The following ZNF74 variants were observed in gnomAD, a reference collection of about 807,000 sequenced individuals.
ZNF74 encodes zinc finger protein 520.
ZNF74 carries 12 observed loss-of-function variants against 17.7 expected under a neutral mutation model. That is an observed-to-expected ratio of 0.68 (90% CI 0.43 to 1.10). The LOEUF is 1.10. Among genes scored for constraint, ZNF74 ranks in the 50% least tolerant of loss-of-function variants. The probability of loss-of-function intolerance (pLI) is 0.00; values close to 1 mark genes in which losing one functional copy is unlikely to be tolerated. For missense variants in ZNF74, 811 were observed against 881.0 expected, an observed-to-expected ratio of 0.92 and a Z score of 1.01; for synonymous variants, 358 against 362.1, an observed-to-expected ratio of 0.99 and a Z score of 0.13.
chr22:20,406,977 G>A lies in ZNF74; in HGVS notation c.*9G>A. ...GCAAACCTCGAAACTAACATGATGT[G>A]CTTTGGTGTCAGTAGCTGCTTTCTG... On this transcript the variant is annotated 3_prime_UTR_variant, in exon 5 of 5. Coordinates refer to ENST00000400451, the MANE Select transcript of ZNF74 (RefSeq NM_003426.4). The A allele has an allele frequency of 6.2e-7, 1 of 1,603,780 alleles. No homozygotes were observed. The highest frequency in any genetic ancestry group is 1.1e-5 in the South Asian group (1 of 89,416).
rs144239233 is a variant in ZNF74 at position 20,405,330 on chromosome 22, G to A, written c.344-47G>A. On this transcript the variant is annotated intron_variant, in intron 4 of 4. Transcript: ENST00000400451. ...GCCAATTCTCAAATCTGAATTCTAG[G>A]CCAGGTTTCCGCTTGCTCACAGAAA... 3.9e-6 allele frequency: 6 copies of A among 1,540,446 alleles called. No homozygotes were observed. In the African/African-American group the frequency reaches 5.5e-5, roughly 14 times the overall value.
intron 4 of ZNF74, among the ~76,000 whole-genome samples, chr22:20,402,540 A>C (rs1172042472): frequency 4.6e-5 from 7 of 152,022 alleles, no homozygotes. Context: ...GATGGCTCAC[A>C]CCTGTAATCC....
rs1289610321 is a variant in ZNF74, at chr22:20,394,811, G to C, written c.34+149G>C. On this transcript the variant is annotated intron_variant, in intron 1 of 4. Coordinates refer to ENST00000400451, the MANE Select transcript of ZNF74 (RefSeq NM_003426.4). ...CTCACTCTGTCACCCAGGCGGGAGT[G>C]GTGCAATGGCTTGATCTCCGCTCAC... The C allele has an allele frequency of 5.4e-6, 4 of 737,068 alleles. No individual in the cohort carries two copies. The Admixed American group carries it at 1.0e-4, about 19-fold the overall frequency. 45.7% of individuals were successfully genotyped at this position (737,068 alleles called of 1,614,324 possible).
chr22:20,402,755 C>T (rs1338305576), intron 4 of ZNF74, among the ~76,000 whole-genome samples: 2 of 145,192 alleles, frequency 1.4e-5, no homozygotes, highest in African/African-American at 2.6e-5. Flanking sequence ...GAGCTGAGAT[C>T]GTGCCATTGC....
chr22:20,404,627 G>C (rs1388418819), intron 4 of ZNF74, among the ~76,000 whole-genome samples: 1 of 152,148 alleles, frequency 6.6e-6, no homozygotes, highest in Non-Finnish European at 1.5e-5. Flanking sequence ...GCCTCTTGTA[G>C]CTTTTTGACA....
At chr22:20,404,197 T>C (rs1478892596) in intron 4 of ZNF74, among the ~76,000 whole-genome samples, 1 of 152,192 alleles carries the variant, frequency 6.6e-6, no homozygotes, top group Non-Finnish European at 1.5e-5. Flanking sequence ...GCCTTCTTAT[T>C]GAATAAGTGT....
Position 20,405,772 on chromosome 22 carries a change from G to T in ZNF74, c.739G>T (p.Glu247Ter). Residue 247 changes from glutamate (E) to a stop codon, truncating the protein, a stop_gained, in exon 5 of 5, where the codon GAG (glutamate) becomes TAG (stop). Transcript: ENST00000400451. LOFTEE classifies it low-confidence loss of function (END_TRUNC). ...RQRGAGAGEG[E>*]FVCGECGKAF... ...GCGCGGGGCGGGCGCCGGGGAGGGC[G>T]AGTTCGTGTGCGGCGAGTGCGGGAA... 6.2e-7 allele frequency: 1 copy of T among 1,609,126 alleles called. No homozygotes were observed.
At position 20,406,341 on chromosome 22, in the gene ZNF74, G is replaced by A. The variant is rs2052426488; in HGVS notation, c.1308G>A (p.Arg436=). The change falls in exon 5 of 5, where the codon AGG becomes AGA. Residue 436 remains arginine (R), a synonymous_variant. Coordinates refer to ENST00000400451, the MANE Select transcript of ZNF74 (RefSeq NM_003426.4). ...NSRSRLTLHQ[R]THTGEKPFKC... ...GCTCGCGCCTCACCCTCCACCAGAG[G>A]ACGCACACGGGCGAGAAGCCCTTCA... 6.2e-7 allele frequency: 1 copy of A among 1,608,880 alleles called. No homozygotes were observed. The highest frequency in any genetic ancestry group is 8.5e-7 in the Non-Finnish European group (1 of 1,178,580).
intron 4 of ZNF74, among the ~76,000 whole-genome samples, chr22:20,404,428 G>A (rs1181644872): frequency 6.6e-6 from 1 of 152,076 alleles, no homozygotes; most frequent in Non-Finnish European, 1.5e-5. Flanking sequence ...CCTAGGCTCA[G>A]GTGATCCTCC....
At position 20,405,501 on chromosome 22, in the gene ZNF74, G is replaced by T; in HGVS notation, c.468G>T (p.Leu156=). The change falls in exon 5 of 5, where the codon CTG becomes CTT. Residue 156 remains leucine (L), a synonymous_variant. Transcript: ENST00000400451. ...CGTGGGGGCGCCAGGCAGGTGCTCT[G>T]CAGAGGAGTCAGGCTGCGCCCTGGG... The part of the protein sequence containing the change: ...AQAWGRQAGA[L]QRSQAAPWAP... The T allele has an allele frequency of 6.2e-7, 1 of 1,606,526 alleles. No homozygotes were observed. The highest frequency in any genetic ancestry group is 8.5e-7 in the Non-Finnish European group (1 of 1,177,154).
chr22:20,394,539 C>G lies in ZNF74; in HGVS notation c.-90C>G. On this transcript the variant is annotated 5_prime_UTR_variant, in exon 1 of 5. Transcript: ENST00000400451. ...GGGCTCCGCTGCAGGCCCCTCAGCC[C>G]CAGGAGCAGTACTCGCTCTTCAGGG... is the stretch of plus-strand genomic sequence containing the variant. The G allele has an allele frequency of 7.0e-7, 1 of 1,420,870 alleles. No homozygotes were observed. Among genetic ancestry groups the G allele is most frequent in the East Asian group, 2.3e-5 (1 of 43,900 alleles). The allele number at this position is 1,420,870 out of a possible 1,614,324, so 88.0% of individuals were successfully genotyped here. A position where few individuals can be genotyped will look rare whatever the true frequency, so the allele number is the denominator to read the frequency against.
intron 1 of ZNF74, chr22:20,395,074 G>A: frequency 2.2e-6 from 1 of 461,954 alleles, no homozygotes; most frequent in South Asian, 3.3e-5. Flanking sequence ...TCTTCCCCGC[G>A]CCCAATCATT....
In ZNF74 at chr22:20,407,074, G is replaced by T; in HGVS notation, c.*106G>T. The T allele has an allele frequency of 1.4e-6, 2 of 1,452,554 alleles. No individual in the cohort carries two copies. The highest frequency in any genetic ancestry group is 1.8e-6 in the Non-Finnish European group (2 of 1,106,102). 90.0% of individuals were successfully genotyped at this position (1,452,554 alleles called of 1,614,324 possible). A position where few individuals can be genotyped will look rare whatever the true frequency, so the allele number is the denominator to read the frequency against. ...CCAGACCACCTTCCTCCAGGTGTGG[G>T]AGCCTTGCCTTATCACCCCCATCAG... is the stretch of plus-strand genomic sequence containing the variant. On this transcript the variant is annotated 3_prime_UTR_variant, in exon 5 of 5. Transcript: ENST00000400451.
At chr22:20,397,141 A>G (rs529777976) in intron 2 of ZNF74, among the ~76,000 whole-genome samples, 1 of 151,362 alleles carries the variant, frequency 6.6e-6, no homozygotes, top group African/African-American at 2.4e-5. Flanking sequence ...CAGTGGCACA[A>G]TCATAGCTCA....
At chr22:20,402,714 T>C (rs538449819) in intron 4 of ZNF74, among the ~76,000 whole-genome samples, 3 of 150,398 alleles carry the variant, frequency 2.0e-5, no homozygotes, top group Non-Finnish European at 4.4e-5. Flanking sequence ...GGCAGGAGAA[T>C]CGCTTGAACC....
rs377018424 is a variant in ZNF74 at position 20,400,561 on chromosome 22, A to G, written c.121-71A>G. ...TAACCCTTTACTTGTAGGGTCCTTA[A>G]TCAATCTCTGGCTCCTTTGGAACCA... On this transcript the variant is annotated intron_variant, in intron 2 of 4. Coordinates refer to ENST00000400451, the MANE Select transcript of ZNF74 (RefSeq NM_003426.4). 8.9e-5 allele frequency: 143 copies of G among 1,601,650 alleles called. No individual in the cohort carries two copies. In the East Asian group the frequency reaches 2.7e-3, roughly 30 times the overall value.
At chr22:20,395,227 G>A (rs971450367) in intron 1 of ZNF74, 106 bp from the exon 2 acceptor site, 4 of 776,508 alleles carry the variant, frequency 5.2e-6, no homozygotes, top group Non-Finnish European at 8.6e-6. Context: ...GGCCTTGCTG[G>A]CAGGTTCTGC....
At chr22:20,395,854 C>A (rs2052286783) in intron 2 of ZNF74, among the ~76,000 whole-genome samples, 1 of 152,164 alleles carries the variant, frequency 6.6e-6, no homozygotes, top group South Asian at 2.1e-4. Flanking sequence ...GGCTGGATTG[C>A]AGCACTTGGT....
At chr22:20,402,027 C>A (rs1371050751) in intron 4 of ZNF74, among the ~76,000 whole-genome samples, 1 of 152,166 alleles carries the variant, frequency 6.6e-6, no homozygotes, top group Admixed American at 6.5e-5. Flanking sequence ...CTCCAACATT[C>A]TTTTTGTAGA....
Sources: gnomAD v4.1 joint callset for allele counts (sites outside exome capture counted in the v4.1 genomes callset) on GRCh38, gnomAD v4.1.1 for gene constraint, MANE v1.5 for transcripts, NCBI Gene and HGNC (gene_info 2026-07-23, HGNC 2026-07-21) for gene names.